The following ABHD1 variants were observed in gnomAD, a reference collection of about 807,000 sequenced individuals.
The protein encoded by ABHD1 is protein ABHD1.
Under a neutral mutation model 41.4 loss-of-function variants are expected in ABHD1, and 47 were observed. The observed-to-expected ratio is 1.13, with a 90% confidence interval of 0.90 to 1.45. ABHD1 has a LOEUF of 1.45. ABHD1 is among the 40% of genes most tolerant of loss of function. The pLI, the probability that ABHD1 is intolerant of heterozygous loss-of-function variation, is 0.00. For synonymous variants in ABHD1, 205 were observed against 203.7 expected (o/e 1.01, Z -0.05); for missense variants, 550 against 503.4 (o/e 1.09, Z -0.89).
At chr2:27,128,415 T>G in intron 1 of ABHD1, 26 bp from the exon 2 acceptor site, 1 of 1,613,114 alleles carries the variant, frequency 6.2e-7, no homozygotes, top group Non-Finnish European at 8.5e-7. Context: ...GTCAGGGAAG[T>G]GGGGCAGACT....
At chr2:27,130,190 G>A (rs764108090) in intron 7 of ABHD1, 37 bp downstream of exon 7, 4 of 1,614,152 alleles carry the variant, frequency 2.5e-6, no homozygotes, top group Non-Finnish European at 3.4e-6. Flanking sequence ...TCCCCCAAAT[G>A]AGTCTTCCAC....
rs576965610 is a variant in ABHD1, at chr2:27,127,350, C to T, written c.115-1091C>T. On this transcript the variant is annotated intron_variant, in intron 1 of 8. Transcript: ENST00000316470. The stretch of plus-strand genomic sequence containing the variant: ...CGGGCGGATCATGAGGTCAGGAGAT[C>T]GAGACCATCCTGGCTAACACAGTGA... Among the ~76,000 whole-genome samples the T allele has an allele frequency of 8.1e-4, 115 of 141,268 alleles. 1 individual carries two copies. Among genetic ancestry groups the T allele is most frequent in the African/African-American group, 2.7e-3 (102 of 38,148 alleles). 92.7% of individuals were successfully genotyped at this position (141,268 alleles called of 152,430 possible).
intron 1 of ABHD1, among the ~76,000 whole-genome samples, chr2:27,127,631 G>A (rs902111859): frequency 2.4e-4 from 36 of 149,086 alleles, no homozygotes; most frequent in Admixed American, 6.7e-4. Flanking sequence ...GCACAACCTC[G>A]GCTCACTGCA....
At chr2:27,129,457 C>T in intron 4 of ABHD1, 57 bp from the exon 5 acceptor site, 5 of 1,612,080 alleles carry the variant, frequency 3.1e-6, no homozygotes, top group Non-Finnish European at 4.2e-6. Context: ...CCTCAGTTTC[C>T]CCTCCACCTT....
intron 6 of ABHD1, 87 bp downstream of exon 6, chr2:27,130,014 T>C (rs955336505): frequency 1.2e-6 from 2 of 1,610,390 alleles, no homozygotes; most frequent in Non-Finnish European, 1.7e-6. Context: ...CAGTTCTCTC[T>C]GGGCTTCCTC....
chr2:27,125,329 C>G (rs1267810236), intron 1 of ABHD1: 1 of 152,080 alleles, frequency 6.6e-6, no homozygotes, highest in Non-Finnish European at 1.5e-5. Flanking sequence ...TAGACTAAAC[C>G]CTTTATAAGC....
At chr2:27,127,236 CTTTTT>C (rs61505752) in intron 1 of ABHD1, among the ~76,000 whole-genome samples, 205 of 82,732 alleles carry the variant, frequency 2.5e-3, no homozygotes, top group African/African-American at 7.9e-3. Context: ...GTAGCTTCAT[CTTTTT>C]TTTTTTTTTT....
rs1232017028 is a variant in ABHD1, at chr2:27,128,559, T to C, written c.233T>C (p.Phe78Ser). Residue 78 changes from phenylalanine to serine, a missense_variant, in exon 2 of 9, where the codon TTC (phenylalanine) becomes TCC (serine). Coordinates refer to ENST00000316470, the MANE Select transcript of ABHD1 (RefSeq NM_032604.4). The part of the protein sequence containing the change: ...WCFEGRLQSI[F>S]QVLLQSQPLV... ...TTTGAGGGGCGACTACAAAGCATCT[T>C]CCAAGTCCTCCTGCAGTCTCAGCCC... 1.2e-6 allele frequency: 2 copies of C among 1,613,996 alleles called. No individual in the cohort carries two copies. The highest frequency in any genetic ancestry group is 2.2e-5 in the South Asian group (2 of 91,074).
At chr2:27,126,158 T>C (rs1252809263) in intron 1 of ABHD1, 1 of 152,262 alleles carries the variant, frequency 6.6e-6, no homozygotes, top group East Asian at 1.9e-4. Context: ...TGTGAAGTGC[T>C]TAGCAGAATG....
intron 1 of ABHD1, chr2:27,125,462 T>C (rs1193979490): frequency 6.6e-6 from 1 of 152,218 alleles, no homozygotes; most frequent in African/African-American, 2.4e-5. Context: ...AGTGCCATAT[T>C]GTAATACTAA....
chr2:27,125,763 T>C (rs1309855566), intron 1 of ABHD1: 1 of 151,954 alleles, frequency 6.6e-6, no homozygotes, highest in Non-Finnish European at 1.5e-5. Flanking sequence ...TAGTTGGGTG[T>C]GGTGACGCAA....
intron 1 of ABHD1, 156 bp downstream of exon 1, chr2:27,124,218 G>A (rs1428459667): frequency 2.7e-6 from 2 of 737,070 alleles, no homozygotes; most frequent in African/African-American, 1.7e-5. Flanking sequence ...CCTCTCTAGT[G>A]CCTCTGCATC....
chr2:27,130,491 C>G lies in ABHD1; in HGVS notation c.1007-42C>G, dbSNP rs765222780. 1.9e-6 allele frequency: 3 copies of G among 1,611,570 alleles called. No homozygotes were observed. The South Asian group carries it at 3.3e-5, about 18-fold the overall frequency. On this transcript the variant is annotated intron_variant, in intron 8 of 8. Transcript: ENST00000316470. ...AGGGACGCAACAGACAGCCTGGGCT[C>G]CCAGTGAAGGCCAGTGTTTCTAACC... is the stretch of plus-strand genomic sequence containing the variant.
intron 2 of ABHD1, 133 bp downstream of exon 2, chr2:27,128,734 T>A: frequency 7.5e-7 from 1 of 1,330,150 alleles, no homozygotes; most frequent in Non-Finnish European, 1.0e-6. Flanking sequence ...ATGGATGTTA[T>A]ATGGAAGGGC....
At chr2:27,127,426 C>T (rs866238426) in intron 1 of ABHD1, among the ~76,000 whole-genome samples, 19 of 145,968 alleles carry the variant, frequency 1.3e-4, no homozygotes, top group Non-Finnish European at 2.0e-4. Flanking sequence ...TGGTGGCGGG[C>T]GCCTGTAGTC....
In ABHD1 at chr2:27,129,495, T is replaced by C. The variant is rs1672128446; in HGVS notation, c.505-19T>C. ...GGCCACGGTCTCCCTCCCTACCCAA[T>C]GATCTGGTTTGCCCTCAGACCCACA... On this transcript the variant is annotated intron_variant, in intron 4 of 8. Coordinates refer to ENST00000316470, the MANE Select transcript of ABHD1 (RefSeq NM_032604.4). The C allele has an allele frequency of 1.2e-6, 2 of 1,613,462 alleles. No homozygotes were observed. The highest frequency in any genetic ancestry group is 3.3e-5 in the Admixed American group (2 of 60,030).
chr2:27,127,974 A>G (rs1325253468), intron 1 of ABHD1, among the ~76,000 whole-genome samples: 1 of 152,080 alleles, frequency 6.6e-6, no homozygotes, highest in Non-Finnish European at 1.5e-5. Flanking sequence ...ACTTATTGAC[A>G]GGGTCTCACT....
chr2:27,129,322 C>G lies in ABHD1; in HGVS notation c.465C>G (p.Val155=), dbSNP rs776849187. ...GTACCTGTGTGTGCCACAGGGCTGT[C>G]GTGTTTAACAACCGGGGCTGCCGTG... ...NQALRDGYQA[V]VFNNRGCRGE... is the part of the protein sequence containing the mutation. Residue 155 remains valine, a synonymous_variant, in exon 4 of 9, where the codon GTC becomes GTG. Coordinates refer to ENST00000316470, the MANE Select transcript of ABHD1 (RefSeq NM_032604.4). 1.9e-6 allele frequency: 3 copies of G among 1,614,106 alleles called. No homozygotes were observed. Among genetic ancestry groups the G allele is most frequent in the Non-Finnish European group, 2.5e-6 (3 of 1,180,012 alleles).
chr2:27,129,766 G>A lies in ABHD1; in HGVS notation c.630G>A (p.Leu210=), dbSNP rs146000122. 1.5e-4 allele frequency: 237 copies of A among 1,614,094 alleles called. No individual in the cohort carries two copies. The African/African-American group carries it at 2.3e-3, about 16-fold the overall frequency. ...TCCAATTCCACAGGATACTGGTGCT[G>A]AATCACCTGGCACAGGCCAGGCAGG... The part of the protein sequence containing the change: ...VGISFGGILV[L]NHLAQARQAA... The change falls in exon 6 of 9, where the codon CTG becomes CTA. Residue 210 remains leucine (L), a synonymous_variant. Coordinates refer to ENST00000316470, the MANE Select transcript of ABHD1 (RefSeq NM_032604.4).
Sources: allele counts gnomAD v4.1 joint callset (sites outside exome capture counted in the v4.1 genomes callset), GRCh38; gene constraint gnomAD v4.1.1; transcripts MANE v1.5; gene names NCBI Gene and HGNC (gene_info 2026-07-23, HGNC 2026-07-21).